LPP: variants seen among roughly 807,000 people sequenced by gnomAD.
The protein encoded by LPP is LIM domain containing preferred translocation partner in lipoma.
In LPP, 38 loss-of-function variants were observed where a neutral mutation model predicts 60.4. The observed-to-expected ratio is 0.63, with a 90% confidence interval of 0.49 to 0.83. LPP has a LOEUF of 0.83. Among genes scored for constraint, LPP ranks in the 40% least tolerant of loss-of-function variants. The pLI, the probability that LPP is intolerant of heterozygous loss-of-function variation, is 0.00. For synonymous variants in LPP, 328 were observed against 290.8 expected, an observed-to-expected ratio of 1.13 and a Z score of -1.30; for missense variants, 902 against 783.6, an observed-to-expected ratio of 1.15 and a Z score of -1.80.
chr3:188,550,213 G>A (rs1452157072), intron 6 of LPP, among the ~76,000 whole-genome samples: 3 of 151,968 alleles, frequency 2.0e-5, no homozygotes, highest in East Asian at 1.9e-4. Flanking sequence ...ATTTGTATAC[G>A]ATTTCAAAGG....
chr3:188,883,732 CAAAAAAAAAAAAAA>C lies in LPP; in HGVS notation c.*9262_*9275del, dbSNP rs71169028. On this transcript the variant is annotated 3_prime_UTR_variant, in exon 12 of 12. Coordinates refer to ENST00000617246, the MANE Select transcript of LPP (RefSeq NM_001375462.1). ...TGGGCGACAGAACGAGACTCCGTCTCAAAAAAAAAAAAAAAAAAAAAAGGTTGGGAAATATTGGT... is the reference window on the plus strand; with the variant it reads ...TGGGCGACAGAACGAGACTCCGTCTCAAAAAAAAGGTTGGGAAATATTGGT... The C allele has an allele frequency of 1.5e-5, 1 of 67,396 alleles. No individual in the cohort carries two copies. Among genetic ancestry groups the C allele is most frequent in the Non-Finnish European group, 2.6e-5 (1 of 39,070 alleles). The allele number at this position is 67,396 out of a possible 1,614,324, so 4.2% of individuals were successfully genotyped here.
At chr3:188,597,721 C>T (rs921171786) in intron 6 of LPP, among the ~76,000 whole-genome samples, 1 of 152,064 alleles carries the variant, frequency 6.6e-6, no homozygotes, top group African/African-American at 2.4e-5. Context: ...CGAACTATTT[C>T]CCTTATTGTT....
intron 7 of LPP, among the ~76,000 whole-genome samples, chr3:188,689,410 T>A (rs887665328): frequency 1.3e-5 from 2 of 152,242 alleles, no homozygotes; most frequent in Non-Finnish European, 2.9e-5. Flanking sequence ...CAGGAAAAGT[T>A]GACTTGCTTG....
chr3:188,801,023 T>G (rs1263031037), intron 9 of LPP, among the ~76,000 whole-genome samples: 1 of 152,182 alleles, frequency 6.6e-6, no homozygotes, highest in Non-Finnish European at 1.5e-5. Context: ...GAGCTCTCCA[T>G]GGCCTTACCT....
At chr3:188,527,415 A>G (rs1446011432) in intron 6 of LPP, among the ~76,000 whole-genome samples, 1 of 151,370 alleles carries the variant, frequency 6.6e-6, no homozygotes, top group South Asian at 2.1e-4. Flanking sequence ...GCGTGTAGAC[A>G]CGTTTAAATG....
chr3:188,554,521 G>A (rs1448750178), intron 6 of LPP, among the ~76,000 whole-genome samples: 1 of 152,184 alleles, frequency 6.6e-6, no homozygotes, highest in East Asian at 1.9e-4. Flanking sequence ...CTGTTTGTCT[G>A]AAGGTTTGCA....
chr3:188,249,829 T>TACAC (rs61215623), intron 2 of LPP, among the ~76,000 whole-genome samples: 12,945 of 110,940 alleles, frequency 0.12, 862 homozygotes, highest in African/African-American at 0.14. Context: ...TTTCTCTGTC[T>TACAC]ACACACACAC....
intron 9 of LPP, among the ~76,000 whole-genome samples, chr3:188,794,323 C>T (rs79592522): frequency 5.9e-5 from 9 of 152,254 alleles, no homozygotes; most frequent in East Asian, 3.9e-4. Context: ...ATAAATATTA[C>T]GTAAAAGTCA....
chr3:188,398,379 A>T (rs1049698291), intron 3 of LPP, among the ~76,000 whole-genome samples: 1 of 152,266 alleles, frequency 6.6e-6, no homozygotes, highest in African/African-American at 2.4e-5. Flanking sequence ...AGTCCTCTGC[A>T]TCTAAGTCTA....
intron 5 of LPP, among the ~76,000 whole-genome samples, chr3:188,521,710 T>C (rs943898175): frequency 6.6e-6 from 1 of 152,198 alleles, no homozygotes; most frequent in African/African-American, 2.4e-5. Context: ...CATTTTCTTA[T>C]CTAAATCTTA....
intron 6 of LPP, among the ~76,000 whole-genome samples, chr3:188,538,294 A>G (rs1295015921): frequency 6.6e-6 from 1 of 152,222 alleles, no homozygotes; most frequent in Admixed American, 6.5e-5. Context: ...TTTGCAAATC[A>G]TGTATCTGTT....
intron 9 of LPP, among the ~76,000 whole-genome samples, chr3:188,850,814 A>T (rs115355630): frequency 0.011 from 1,679 of 152,286 alleles, 25 homozygotes; most frequent in African/African-American, 0.038. Flanking sequence ...CCACATGATG[A>T]AGGGAACCTG....
intron 2 of LPP, among the ~76,000 whole-genome samples, chr3:188,228,556 G>C (rs1718668647): frequency 6.6e-6 from 1 of 152,172 alleles, no homozygotes; most frequent in Non-Finnish European, 1.5e-5. Context: ...GGCCATGGCA[G>C]GAAGATCGAT....
At chr3:188,430,449 C>A (rs953664697) in intron 4 of LPP, among the ~76,000 whole-genome samples, 1 of 152,132 alleles carries the variant, frequency 6.6e-6, no homozygotes, top group African/African-American at 2.4e-5. Context: ...CAGTTACACA[C>A]CACCACTATC....
chr3:188,201,809 G>A (rs1377920965), intron 1 of LPP, among the ~76,000 whole-genome samples: 2 of 152,054 alleles, frequency 1.3e-5, no homozygotes, highest in South Asian at 2.1e-4. Flanking sequence ...GAAGTTAGAC[G>A]TCCTTTAATA....
At chr3:188,718,335 G>T (rs1714932087) in intron 8 of LPP, among the ~76,000 whole-genome samples, 1 of 152,170 alleles carries the variant, frequency 6.6e-6, no homozygotes, top group Non-Finnish European at 1.5e-5. Context: ...AAGAGGAATG[G>T]CAGGGCTGTT....
At chr3:188,377,931 A>G (rs1354644301) in intron 3 of LPP, among the ~76,000 whole-genome samples, 1 of 150,984 alleles carries the variant, frequency 6.6e-6, no homozygotes, top group Non-Finnish European at 1.5e-5. Flanking sequence ...AACAGACAGG[A>G]CCCTCAGCTG....
In LPP at chr3:188,686,598, G is replaced by T. The variant is rs1347664158; in HGVS notation, c.1114-21669G>T. Among the ~76,000 whole-genome samples the T allele has an allele frequency of 3.3e-5, 5 of 152,082 alleles. 1 individual carries two copies. The highest frequency in any genetic ancestry group is 9.7e-5 in the African/African-American group (4 of 41,380). ...GCATATTCTAACCATATTCTTCCTA[G>T]GCCTCACCCCTAGAGATACTGAATT... is the stretch of plus-strand genomic sequence containing the variant. On this transcript the variant is annotated intron_variant, in intron 7 of 11. Transcript: ENST00000617246.
intron 7 of LPP, among the ~76,000 whole-genome samples, chr3:188,699,076 A>AT (rs1491248944): frequency 6.6e-6 from 1 of 152,214 alleles, no homozygotes; most frequent in Admixed American, 6.5e-5. Context: ...TTGATATTTA[A>AT]TATGTTACAA....
Sources: allele counts gnomAD v4.1 joint callset (sites outside exome capture counted in the v4.1 genomes callset), GRCh38; gene constraint gnomAD v4.1.1; transcripts MANE v1.5; gene names NCBI Gene and HGNC (gene_info 2026-07-23, HGNC 2026-07-21).